PARP2: variants seen among roughly 807,000 people sequenced by gnomAD.
PARP2 encodes poly [ADP-ribose] polymerase 2.
Under a neutral mutation model 77.8 loss-of-function variants are expected in PARP2, and 57 were observed. The ratio of observed to expected loss-of-function variants is 0.73; its 90% CI spans 0.59 to 0.91. PARP2 has a LOEUF of 0.91. Ranked by LOEUF, PARP2 falls within the 40% of genes least tolerant of loss-of-function variation. The pLI is 0.00. For synonymous variants in PARP2, 226 were observed against 242.6 expected, an observed-to-expected ratio of 0.93 and a Z score of 0.64; for missense variants, 651 against 689.0, an observed-to-expected ratio of 0.94 and a Z score of 0.62.
At chr14:20,356,785 T>C in intron 13 of PARP2, 96 bp downstream of exon 13, 1 of 961,522 alleles carries the variant, frequency 1.0e-6, no homozygotes, top group Non-Finnish European at 1.7e-6. Flanking sequence ...ATGGTTCCCC[T>C]CCCCAAGAGT....
intron 12 of PARP2, 34 bp downstream of exon 12, chr14:20,356,468 C>T (rs1884156180): frequency 1.2e-6 from 2 of 1,613,752 alleles, no homozygotes; most frequent in Admixed American, 1.7e-5. Flanking sequence ...GAAAGACACT[C>T]CTTGCCCGAA....
chr14:20,347,354 G>GTATATATATA (rs1883771350), intron 4 of PARP2, among the ~76,000 whole-genome samples: 1 of 43,956 alleles, frequency 2.3e-5, no homozygotes, highest in African/African-American at 1.8e-4. Flanking sequence ...ATATGTGTGT[G>GTATATATATA]TGTATATATA....
rs577020318 is a variant in PARP2 at position 20,344,735 on chromosome 14, C to A, written c.47-197C>A. Among the ~76,000 whole-genome samples the A allele has an allele frequency of 1.1e-4, 16 of 152,294 alleles. No homozygotes were observed. In the South Asian group the frequency reaches 3.1e-3, roughly 30 times the overall value. On this transcript the variant is annotated intron_variant, in intron 1 of 15. Transcript: ENST00000429687. Reference sequence around the variant, plus strand: ...GGCTGAGGCACGAGAATCACTTGAACCCAGGAGGCGGAGGTTGCAGTGAGC... The same window carrying A: ...GGCTGAGGCACGAGAATCACTTGAAACCAGGAGGCGGAGGTTGCAGTGAGC...
chr14:20,345,206 A>T, intron 2 of PARP2, 119 bp downstream of exon 2: 1 of 1,217,510 alleles, frequency 8.2e-7, no homozygotes, highest in Non-Finnish European at 1.2e-6. Flanking sequence ...TAATTTCTCT[A>T]TCCTTTGGGC....
chr14:20,351,782 G>A (rs1271654797), intron 6 of PARP2, among the ~76,000 whole-genome samples: 1 of 152,052 alleles, frequency 6.6e-6, no homozygotes, highest in East Asian at 1.9e-4. Flanking sequence ...GGGAGGTTGA[G>A]GCAGGAGGAT....
Position 20,350,747 on chromosome 14 carries a change from T to G in PARP2, c.421+125T>G, listed in dbSNP as rs1386953426. 4.6e-6 allele frequency: 3 copies of G among 656,426 alleles called. No individual in the cohort carries two copies. In the East Asian group the frequency reaches 8.0e-5, roughly 17 times the overall value. The allele number at this position is 656,426 out of a possible 1,614,324, so 40.7% of individuals were successfully genotyped here. A position where few individuals can be genotyped will look rare whatever the true frequency, so the allele number is the denominator to read the frequency against. On this transcript the variant is annotated intron_variant, in intron 5 of 15. Coordinates refer to ENST00000429687, the MANE Select transcript of PARP2 (RefSeq NM_001042618.2). ...GAGGCTCTGAAGTCTGGGAGAGCCT[T>G]AGGAATCAAGTTGAGCATCTTGAAA...
intron 14 of PARP2, 79 bp downstream of exon 14, chr14:20,357,228 C>T: frequency 7.4e-7 from 1 of 1,345,794 alleles, no homozygotes; most frequent in Non-Finnish European, 1.1e-6. Flanking sequence ...ACCCCAGAAC[C>T]AAGAGGTTTA....
chr14:20,344,858 G>C (rs1883650858), intron 1 of PARP2, 74 bp from the exon 2 acceptor site: 4 of 990,216 alleles, frequency 4.0e-6, no homozygotes, highest in Non-Finnish European at 6.2e-6. Context: ...TTCTTTAAAA[G>C]ATTTTTTTCA....
In PARP2 at chr14:20,354,937, C is replaced by T. The variant is rs1189678500; in HGVS notation, c.892C>T (p.His298Tyr). ...CAATGAATTCTACACCAGGATTCCG[C>T]ATGACTTTGGGTAAGGCCTGTGCTG... ...ACNEFYTRIP[H>Y]DFGLRTPPLI... Residue 298 changes from histidine to tyrosine, a missense_variant, in exon 9 of 16, where the codon CAT becomes TAT. Physicochemically the swap from His to Tyr is moderately conservative, Grantham distance 83. Coordinates refer to ENST00000429687, the MANE Select transcript of PARP2 (RefSeq NM_001042618.2). 1 of 1,613,286 alleles carries T rather than the reference C, an allele frequency of 6.2e-7. No individual in the cohort carries two copies. Among genetic ancestry groups the T allele is most frequent in the East Asian group, 2.2e-5 (1 of 44,894 alleles).
At chr14:20,344,894 G>A (rs1375998774) in intron 1 of PARP2, 38 bp from the exon 2 acceptor site, 5 of 1,209,584 alleles carry the variant, frequency 4.1e-6, no homozygotes, top group Non-Finnish European at 6.1e-6. Context: ...ACGTATTCGG[G>A]TGTGTACTCA....
In PARP2 at chr14:20,343,664, G is replaced by A. The variant is rs756215931; in HGVS notation, c.23G>A (p.Ser8Asn). MAARRRR[S>N]TGGGRARALN... The stretch of plus-strand genomic sequence containing the variant: ...TCCATGGCGGCGCGGCGGCGACGGA[G>A]CACCGGCGGCGGCAGGGCGAGAGGT... The change falls in exon 1 of 16, where the codon AGC (serine) becomes AAC (asparagine). Residue 8 changes from serine (S) to asparagine (N), a missense_variant. Coordinates refer to ENST00000429687, the MANE Select transcript of PARP2 (RefSeq NM_001042618.2). 4.3e-6 allele frequency: 7 copies of A among 1,610,652 alleles called. No individual in the cohort carries two copies. The highest frequency in any genetic ancestry group is 5.9e-6 in the Non-Finnish European group (7 of 1,179,072).
intron 8 of PARP2, 21 bp from the exon 9 acceptor site, chr14:20,354,788 G>C (rs781311187): frequency 1.2e-5 from 20 of 1,601,302 alleles, no homozygotes; most frequent in Non-Finnish European, 1.7e-5. Flanking sequence ...TTTGGAGTCT[G>C]ATCTCTGGGT....
At chr14:20,351,929 T>C (rs1285479552) in intron 6 of PARP2, among the ~76,000 whole-genome samples, 1 of 152,232 alleles carries the variant, frequency 6.6e-6, no homozygotes, top group African/African-American at 2.4e-5. Context: ...AAGAACTTTC[T>C]GGAGAATTGG....
chr14:20,353,281 G>A (rs1047797565), intron 7 of PARP2, among the ~76,000 whole-genome samples: 7 of 150,928 alleles, frequency 4.6e-5, no homozygotes, highest in African/African-American at 1.5e-4. Context: ...TCGCTCTGTC[G>A]CCCAGGCTGG....
chr14:20,356,751 CT>C (rs1884169600), intron 13 of PARP2, 62 bp downstream of exon 13: 15 of 1,279,056 alleles, frequency 1.2e-5, no homozygotes, highest in Non-Finnish European at 1.6e-5. Context: ...GTTCTCAGTG[CT>C]TTTTTTCCTA....
intron 8 of PARP2, 103 bp from the exon 9 acceptor site, chr14:20,354,703 GAAA>G (rs35609110): frequency 4.4e-5 from 47 of 1,062,210 alleles, no homozygotes; most frequent in Non-Finnish European, 5.9e-5. Context: ...TTAAAAACAG[GAAA>G]AAAAAAAGTT....
chr14:20,354,886 C>T lies in PARP2; in HGVS notation c.841C>T (p.His281Tyr), dbSNP rs774975124. ...TGAGGATTGTATTCGGGCTGGCCAG[C>T]ATGGACGAGCTCTCATGGAAGCATG... ...KIEDCIRAGQHGRALMEACNE... is the reference protein window; with the variant it reads ...KIEDCIRAGQYGRALMEACNE... The change falls in exon 9 of 16, where the codon CAT becomes TAT. Residue 281 changes from histidine to tyrosine, a missense_variant. Coordinates refer to ENST00000429687, the MANE Select transcript of PARP2 (RefSeq NM_001042618.2). The T allele has an allele frequency of 1.2e-4, 200 of 1,613,816 alleles. No individual in the cohort carries two copies. The highest frequency in any genetic ancestry group is 1.6e-4 in the Non-Finnish European group (190 of 1,179,870).
intron 14 of PARP2, 70 bp downstream of exon 14, chr14:20,357,219 C>A: frequency 7.3e-7 from 1 of 1,369,110 alleles, no homozygotes; most frequent in Non-Finnish European, 1.0e-6. Flanking sequence ...AAAAGTTTGA[C>A]CCCAGAACCA....
intron 4 of PARP2, among the ~76,000 whole-genome samples, chr14:20,347,363 T>C (rs1883778499): frequency 1.9e-4 from 2 of 10,494 alleles, no homozygotes; most frequent in Admixed American, 9.5e-4. Flanking sequence ...TGTGTATATA[T>C]ATATATATAT....
Sources: allele counts gnomAD v4.1 joint callset (sites outside exome capture counted in the v4.1 genomes callset), GRCh38; gene constraint gnomAD v4.1.1; transcripts MANE v1.5; gene names NCBI Gene and HGNC (gene_info 2026-07-23, HGNC 2026-07-21).